CDK13: variants seen among roughly 807,000 people sequenced by gnomAD.
CDK13 encodes cyclin-dependent kinase 13.
A neutral mutation model predicts 137.6 loss-of-function variants in CDK13; 40 were observed. The observed-to-expected ratio is 0.29, with a 90% CI of 0.23 to 0.38. CDK13 has a LOEUF of 0.38. Ranked by LOEUF, CDK13 falls within the 10% of genes least tolerant of loss-of-function variation. The pLI, the probability that CDK13 is intolerant of heterozygous loss-of-function variation, is 1.00. For synonymous variants in CDK13, 869 were observed against 760.1 expected (o/e 1.14, Z -2.36); for missense variants, 1,704 against 1,951.8 (o/e 0.87, Z 2.39).
At chr7:39,989,445 A>G (rs1784412342) in intron 2 of CDK13, among the ~76,000 whole-genome samples, 1 of 151,756 alleles carries the variant, frequency 6.6e-6, no homozygotes, top group African/African-American at 2.4e-5. Context: ...TAAAAATGCC[A>G]TGTGGACAAG....
chr7:39,951,316 C>T lies in CDK13; in HGVS notation c.675C>T (p.Gly225=), dbSNP rs1787178659. 6.4e-6 allele frequency: 9 copies of T among 1,404,868 alleles called. No individual in the cohort carries two copies. Among genetic ancestry groups the T allele is most frequent in the Non-Finnish European group, 8.3e-6 (9 of 1,089,648 alleles). 87.0% of individuals were successfully genotyped at this position (1,404,868 alleles called of 1,614,324 possible). A position where few individuals can be genotyped will look rare whatever the true frequency, so the allele number is the denominator to read the frequency against. The change falls in exon 1 of 14, where the codon GGC becomes GGT. Residue 225 remains glycine (G), a synonymous_variant. Transcript: ENST00000181839. ...EHRRRDGQRG[G]SEASKSRSRH... ...GGCGGCGGGATGGGCAGCGCGGTGGCAGCGAGGCCTCCAAGTCCCGCAGCC... is the reference window on the plus strand; with the variant it reads ...GGCGGCGGGATGGGCAGCGCGGTGGTAGCGAGGCCTCCAAGTCCCGCAGCC...
At chr7:40,019,797 T>G (rs954465055) in intron 5 of CDK13, among the ~76,000 whole-genome samples, 4 of 152,160 alleles carry the variant, frequency 2.6e-5, no homozygotes, top group Non-Finnish European at 4.4e-5. Flanking sequence ...TATGGGAATC[T>G]GTTAGCTTAC....
intron 5 of CDK13, among the ~76,000 whole-genome samples, chr7:40,009,299 A>G (rs1784851269): frequency 6.6e-6 from 1 of 152,116 alleles, no homozygotes; most frequent in Non-Finnish European, 1.5e-5. Context: ...TTATTCCTCC[A>G]TTTTGCATAT....
chr7:39,977,587 A>G (rs1443776585), intron 1 of CDK13, among the ~76,000 whole-genome samples: 5 of 152,340 alleles, frequency 3.3e-5, no homozygotes, highest in African/African-American at 7.2e-5. Flanking sequence ...TTTGTTTCCT[A>G]CATAAAGGAG....
intron 1 of CDK13, among the ~76,000 whole-genome samples, chr7:39,967,604 A>G (rs754138164): frequency 1.3e-5 from 2 of 152,150 alleles, no homozygotes; most frequent in Non-Finnish European, 2.9e-5. Flanking sequence ...TCCTTTGGGT[A>G]TATACCCAGA....
At chr7:40,047,364 TAGAC>T (rs558724229) in intron 6 of CDK13, among the ~76,000 whole-genome samples, 7 of 152,182 alleles carry the variant, frequency 4.6e-5, no homozygotes, top group South Asian at 4.1e-4. Flanking sequence ...TTTTAATTAA[TAGAC>T]AGTGTTCTAT....
intron 9 of CDK13, among the ~76,000 whole-genome samples, chr7:40,064,842 A>G (rs1327889809): frequency 6.9e-6 from 1 of 145,022 alleles, no homozygotes; most frequent in Non-Finnish European, 1.5e-5. Context: ...CCTAGGCTGG[A>G]GTGCATTGGG....
intron 5 of CDK13, among the ~76,000 whole-genome samples, chr7:40,012,579 GAC>G (rs928650146): frequency 3.3e-5 from 5 of 152,066 alleles, no homozygotes; most frequent in African/African-American, 9.7e-5. Flanking sequence ...CAGCCTGGGT[GAC>G]AGAGTGAGAT....
chr7:40,024,268 C>T (rs1409181991), intron 5 of CDK13, among the ~76,000 whole-genome samples: 3 of 152,150 alleles, frequency 2.0e-5, no homozygotes, highest in Non-Finnish European at 4.4e-5. Flanking sequence ...ACAAAAAAAC[C>T]CTTCTCTAAT....
At chr7:40,005,848 A>G (rs925908092) in intron 5 of CDK13, among the ~76,000 whole-genome samples, 2 of 152,058 alleles carry the variant, frequency 1.3e-5, no homozygotes, top group Non-Finnish European at 2.9e-5. Flanking sequence ...CAGCCTCCCA[A>G]GTAGCTGGGA....
chr7:39,997,599 T>G lies in CDK13; in HGVS notation c.1977T>G (p.Asp659Glu), dbSNP rs1223694290. 2 of 1,613,088 alleles carry G rather than the reference T, an allele frequency of 1.2e-6. No homozygotes were observed. The highest frequency in any genetic ancestry group is 2.7e-5 in the African/African-American group (2 of 74,886). ...LPLPPELPGG[D>E]DLSKSPEEKK... ...TGCCCCCTGAGCTACCAGGAGGAGA[T>G]GATCTTTCAAAGAGTCCAGAGGAAA... is the stretch of plus-strand genomic sequence containing the variant. Residue 659 changes from aspartate to glutamate, a missense_variant, in exon 3 of 14, where the codon GAT (aspartate) becomes GAG (glutamate). Asp to Glu is a conservative substitution (Grantham distance 45, BLOSUM62 2). Coordinates refer to ENST00000181839, the MANE Select transcript of CDK13 (RefSeq NM_003718.5).
rs1276968500 is a variant in CDK13 at position 40,096,852 on chromosome 7, G to A, written c.*1872G>A. 2 of 152,052 alleles carry A rather than the reference G, an allele frequency of 1.3e-5. No individual in the cohort carries two copies. Among genetic ancestry groups the A allele is most frequent in the African/African-American group, 4.8e-5 (2 of 41,432 alleles). The allele number at this position is 152,052 out of a possible 1,614,324, so 9.4% of individuals were successfully genotyped here. On this transcript the variant is annotated 3_prime_UTR_variant, in exon 14 of 14. Coordinates refer to ENST00000181839, the MANE Select transcript of CDK13 (RefSeq NM_003718.5). ...AATGAATGGAAGAAAAAAATATGTT[G>A]CTTTTATTTGAATATTGATTACTAA...
At chr7:39,999,633 T>G in intron 4 of CDK13, 133 bp downstream of exon 4, 1 of 886,388 alleles carries the variant, frequency 1.1e-6, no homozygotes, top group Middle Eastern at 2.6e-4. Context: ...TTCATCTTGT[T>G]TTTTTATTCT....
intron 7 of CDK13, among the ~76,000 whole-genome samples, chr7:40,054,063 G>A (rs146280318): frequency 2.0e-5 from 3 of 152,308 alleles, no homozygotes; most frequent in African/African-American, 7.2e-5. Context: ...TTACCTAGAA[G>A]TATCTTCCAG....
intron 5 of CDK13, among the ~76,000 whole-genome samples, chr7:40,021,138 C>CACAT: frequency 1.3e-5 from 2 of 150,002 alleles, no homozygotes; most frequent in Non-Finnish European, 3.0e-5. Context: ...CACACACACA[C>CACAT]ACACACACAC....
At chr7:40,016,127 C>G (rs1321000433) in intron 5 of CDK13, among the ~76,000 whole-genome samples, 2 of 152,174 alleles carry the variant, frequency 1.3e-5, no homozygotes, top group East Asian at 3.8e-4. Flanking sequence ...ATTTAGAGCA[C>G]ATTAAGCTAA....
At chr7:40,078,377 A>T (rs2150536181) in intron 10 of CDK13, 1 of 327,132 alleles carries the variant, frequency 3.1e-6, no homozygotes, top group Non-Finnish European at 5.5e-6. Flanking sequence ...TTACTGGAAC[A>T]GCTTTCAAGT....
At chr7:40,063,846 C>T (rs966286789) in intron 9 of CDK13, among the ~76,000 whole-genome samples, 4 of 151,826 alleles carry the variant, frequency 2.6e-5, no homozygotes, top group Non-Finnish European at 5.9e-5. Context: ...GTAGCAGAGA[C>T]GGGGTTTCAC....
At chr7:40,090,209 G>T (rs555617229) in intron 12 of CDK13, among the ~76,000 whole-genome samples, 44 of 152,194 alleles carry the variant, frequency 2.9e-4, no homozygotes, top group Non-Finnish European at 4.3e-4. Flanking sequence ...TGGAACTGAT[G>T]TCTTAAACTC....
Sources: gnomAD v4.1 joint callset for allele counts (sites outside exome capture counted in the v4.1 genomes callset) on GRCh38, gnomAD v4.1.1 for gene constraint, MANE v1.5 for transcripts, NCBI Gene and HGNC (gene_info 2026-07-23, HGNC 2026-07-21) for gene names.